The following ADCK1 variants were observed in gnomAD, a reference collection of about 807,000 sequenced individuals.
ADCK1 encodes aarF domain containing kinase 1.
In ADCK1, 41 loss-of-function variants were observed where a neutral mutation model predicts 52.3. The ratio of observed to expected loss-of-function variants is 0.78; its 90% CI spans 0.61 to 1.02. The LOEUF (loss-of-function observed/expected upper bound fraction) is 1.02, where lower values mean the gene tolerates loss of function less well. ADCK1 is among the 50% of genes least tolerant of loss of function. The pLI is 0.00. For missense variants in ADCK1, 658 were observed against 679.5 expected (o/e 0.97, Z 0.35); for synonymous variants, 250 against 274.6 (o/e 0.91, Z 0.89).
At chr14:77,803,038 T>G (rs1473188725) in intron 1 of ADCK1, among the ~76,000 whole-genome samples, 1 of 152,124 alleles carries the variant, frequency 6.6e-6, no homozygotes, top group Non-Finnish European at 1.5e-5. Flanking sequence ...CAGGCCAACT[T>G]CACACAGTCC....
Sources: gnomAD v4.1 joint callset for allele counts (sites outside exome capture counted in the v4.1 genomes callset) on GRCh38, gnomAD v4.1.1 for gene constraint, MANE v1.5 for transcripts, NCBI Gene and HGNC (gene_info 2026-07-23, HGNC 2026-07-21) for gene names.